SDK1: variants seen among roughly 807,000 people sequenced by gnomAD.
The protein encoded by SDK1 is protein sidekick-1.
Under a neutral mutation model 245.5 loss-of-function variants are expected in SDK1, and 157 were observed. That is an observed-to-expected ratio of 0.64 (90% CI 0.56 to 0.73). The LOEUF (loss-of-function observed/expected upper bound fraction) is 0.73, where lower values mean the gene tolerates loss of function less well. SDK1 is among the 30% of genes least tolerant of loss of function. The probability of loss-of-function intolerance (pLI) is 0.00; values close to 1 mark genes in which losing one functional copy is unlikely to be tolerated. For missense variants in SDK1, 3,583 were observed against 3,002.3 expected (o/e 1.19, Z -4.52); for synonymous variants, 1,647 against 1,278.5 (o/e 1.29, Z -6.15).
chr7:4,104,255 C>T (rs1782763558), intron 22 of SDK1, among the ~76,000 whole-genome samples: 1 of 152,200 alleles, frequency 6.6e-6, no homozygotes, highest in Non-Finnish European at 1.5e-5. Flanking sequence ...AGAATGGGGT[C>T]TCACCACGTT....
chr7:4,259,670 A>C (rs1461926053), intron 44 of SDK1, among the ~76,000 whole-genome samples: 1 of 152,210 alleles, frequency 6.6e-6, no homozygotes, highest in Non-Finnish European at 1.5e-5. Context: ...CAGCTCACCT[A>C]GGGGTAAGCT....
chr7:3,677,771 C>G (rs1029818587), intron 4 of SDK1, among the ~76,000 whole-genome samples: 5 of 152,116 alleles, frequency 3.3e-5, no homozygotes, highest in African/African-American at 1.2e-4. Context: ...GTAAACAAGA[C>G]AGTGTGGTAT....
At chr7:4,256,040 C>T (rs1188869271) in intron 44 of SDK1, among the ~76,000 whole-genome samples, 1 of 151,554 alleles carries the variant, frequency 6.6e-6, no homozygotes, top group Non-Finnish European at 1.5e-5. Flanking sequence ...CCACCTCAGC[C>T]TCCCAAGTAG....
chr7:4,229,056 A>C (rs539671842), intron 40 of SDK1, among the ~76,000 whole-genome samples: 1 of 152,284 alleles, frequency 6.6e-6, no homozygotes, highest in Admixed American at 6.5e-5. Context: ...AACATGGAAA[A>C]ATTGGTTGCA....
intron 1 of SDK1, among the ~76,000 whole-genome samples, chr7:3,552,614 C>G (rs1779453710): frequency 6.6e-6 from 1 of 152,166 alleles, no homozygotes; most frequent in Admixed American, 6.5e-5. Context: ...TGATTTGATT[C>G]TGAGCAATGT....
intron 5 of SDK1, among the ~76,000 whole-genome samples, chr7:3,853,097 C>T (rs566329973): frequency 6.6e-6 from 1 of 151,916 alleles, no homozygotes; most frequent in African/African-American, 2.4e-5. Flanking sequence ...TCTCCACGTA[C>T]GCAGGCTTCA....
intron 35 of SDK1, among the ~76,000 whole-genome samples, chr7:4,191,489 C>T (rs1410955282): frequency 3.3e-5 from 5 of 152,268 alleles, no homozygotes; most frequent in Non-Finnish European, 7.3e-5. Context: ...GCCAGCTTCT[C>T]TGGGATCCCT....
At chr7:4,226,601 C>T (rs1426207135) in intron 40 of SDK1, among the ~76,000 whole-genome samples, 1 of 152,182 alleles carries the variant, frequency 6.6e-6, no homozygotes, top group Non-Finnish European at 1.5e-5. Flanking sequence ...CTGGAGAGGG[C>T]GCTCCATGAG....
At chr7:3,363,161 A>G (rs1245360037) in intron 1 of SDK1, among the ~76,000 whole-genome samples, 1 of 152,234 alleles carries the variant, frequency 6.6e-6, no homozygotes, top group East Asian at 1.9e-4. Flanking sequence ...CTGCTCGGCA[A>G]CCATGAATCT....
intron 19 of SDK1, among the ~76,000 whole-genome samples, chr7:4,063,886 A>G (rs1339899682): frequency 6.6e-6 from 1 of 152,166 alleles, no homozygotes; most frequent in Admixed American, 6.5e-5. Context: ...GTGCTAGGAA[A>G]ATTGGATATC....
chr7:3,612,912 C>T (rs1281003840), intron 1 of SDK1, among the ~76,000 whole-genome samples: 2 of 152,082 alleles, frequency 1.3e-5, no homozygotes, highest in South Asian at 2.1e-4. Context: ...GACTACCCCC[C>T]ACCCCCCTTG....
intron 17 of SDK1, among the ~76,000 whole-genome samples, chr7:4,030,698 T>C (rs1787743985): frequency 6.6e-6 from 1 of 152,234 alleles, no homozygotes; most frequent in Admixed American, 6.5e-5. Flanking sequence ...ACCATGATGC[T>C]GAATGGAGCG....
At chr7:3,512,355 T>A (rs1782608759) in intron 1 of SDK1, among the ~76,000 whole-genome samples, 1 of 152,264 alleles carries the variant, frequency 6.6e-6, no homozygotes, top group Admixed American at 6.5e-5. Flanking sequence ...AAAGTTTATG[T>A]ATTCACCTAA....
At chr7:3,334,959 A>T (rs866078066) in intron 1 of SDK1, among the ~76,000 whole-genome samples, 1 of 152,102 alleles carries the variant, frequency 6.6e-6, no homozygotes, top group East Asian at 1.9e-4. Flanking sequence ...TCAGGCCCCA[A>T]ATCTTGGAGT....
chr7:3,859,261 G>T (rs779233136), intron 5 of SDK1, among the ~76,000 whole-genome samples: 1 of 152,166 alleles, frequency 6.6e-6, no homozygotes, highest in East Asian at 1.9e-4. Context: ...GCCTAGCTGG[G>T]AGGCTGGGCT....
chr7:3,306,043 GC>G (rs1779410311), intron 1 of SDK1, among the ~76,000 whole-genome samples: 1 of 152,106 alleles, frequency 6.6e-6, no homozygotes, highest in Non-Finnish European at 1.5e-5. Context: ...TAACCCCTGG[GC>G]TGGAGCGTTT....
chr7:3,956,383 C>G (rs927485881), intron 7 of SDK1, among the ~76,000 whole-genome samples: 5 of 152,156 alleles, frequency 3.3e-5, no homozygotes, highest in African/African-American at 7.2e-5. Context: ...TGGGGAGAAA[C>G]TCCATCTGAG....
At chr7:3,728,025 A>G (rs1192924557) in intron 4 of SDK1, among the ~76,000 whole-genome samples, 4 of 152,064 alleles carry the variant, frequency 2.6e-5, no homozygotes, top group Non-Finnish European at 5.9e-5. Context: ...CTGGTTAGGT[A>G]TTTTGTAATA....
rs1317454431 is a variant in SDK1, at chr7:3,993,003, C to T, written c.2131+5681C>T. ...ATATGTTGTGGGCTGTTCACTTTCTCTTTTGATACAGTTGAAACGTCTTAC... is the reference window on the plus strand; with the variant it reads ...ATATGTTGTGGGCTGTTCACTTTCTTTTTTGATACAGTTGAAACGTCTTAC... On this transcript the variant is annotated intron_variant, in intron 14 of 44. Transcript: ENST00000404826. 3.3e-5 allele frequency among the ~76,000 whole-genome samples: 5 copies of T among 152,202 alleles called. No individual in the cohort carries two copies. In the East Asian group the frequency reaches 7.7e-4, roughly 23 times the overall value.
Sources: gnomAD v4.1 joint callset for allele counts (sites outside exome capture counted in the v4.1 genomes callset) on GRCh38, gnomAD v4.1.1 for gene constraint, MANE v1.5 for transcripts, NCBI Gene and HGNC (gene_info 2026-07-23, HGNC 2026-07-21) for gene names.